ARMC2: variants seen among roughly 807,000 people sequenced by gnomAD.
ARMC2 encodes armadillo repeat containing 2, also known as armadillo repeat-containing protein 2.
ARMC2 carries 67 observed loss-of-function variants against 90.3 expected under a neutral mutation model. That is an observed-to-expected ratio of 0.74 (90% CI 0.61 to 0.91). The LOEUF (loss-of-function observed/expected upper bound fraction) is 0.91. ARMC2 is among the 40% of genes least tolerant of loss of function. The pLI is 0.00. For missense variants in ARMC2, 920 were observed against 1,030.9 expected (o/e 0.89, Z 1.47); for synonymous variants, 393 against 393.0 (o/e 1.00, Z 0.00).
At chr6:108,855,250 CTTTTTT>C (rs1256172618) in intron 2 of ARMC2, among the ~76,000 whole-genome samples, 1 of 138,172 alleles carries the variant, frequency 7.2e-6, no homozygotes, top group African/African-American at 2.6e-5. Context: ...TTTTGTTTTT[CTTTTTT>C]TTTTTTTTTT....
intron 10 of ARMC2, among the ~76,000 whole-genome samples, chr6:108,924,475 G>A (rs535126222): frequency 3.4e-5 from 5 of 147,462 alleles, no homozygotes; most frequent in African/African-American, 1.0e-4. Flanking sequence ...CCGAGATCGA[G>A]ACTCTGTCTC....
At chr6:108,871,616 T>C (rs2848596) in intron 4 of ARMC2, among the ~76,000 whole-genome samples, 118,946 of 152,036 alleles carry the variant, frequency 0.78, 46,805 homozygotes, top group South Asian at 0.85. Flanking sequence ...TGGGAGTGCA[T>C]GCTAGAAAAC....
At chr6:108,969,900 G>A (rs1185798531) in intron 17 of ARMC2, among the ~76,000 whole-genome samples, 1 of 152,056 alleles carries the variant, frequency 6.6e-6, no homozygotes, top group Non-Finnish European at 1.5e-5. Flanking sequence ...AATTAGCTGG[G>A]TGTGTGTGTT....
At chr6:108,867,249 G>A (rs765644366) in intron 3 of ARMC2, among the ~76,000 whole-genome samples, 61 of 152,154 alleles carry the variant, frequency 4.0e-4, no homozygotes, top group Non-Finnish European at 7.9e-4. Context: ...GTAAAACTAG[G>A]AGCTGAGTCA....
chr6:109,013,911 T>A, the ARMC2 span, among the ~76,000 whole-genome samples: 2 of 152,224 alleles, frequency 1.3e-5, no homozygotes, highest in Non-Finnish European at 2.9e-5. Flanking sequence ...ATAGCTTGTC[T>A]GCTAAGCACT....
At chr6:108,907,564 C>T in intron 8 of ARMC2, 2 of 1,466,620 alleles carry the variant, frequency 1.4e-6, no homozygotes, top group African/African-American at 1.4e-5. Flanking sequence ...CACAGAGGGG[C>T]TCGGGCCAAG....
the ARMC2 span, among the ~76,000 whole-genome samples, chr6:109,011,554 T>G: frequency 2.6e-5 from 4 of 152,162 alleles, no homozygotes; most frequent in East Asian, 7.7e-4. Context: ...CACTCTATTC[T>G]CCAACATAAA....
chr6:109,005,446 T>A, the ARMC2 span, among the ~76,000 whole-genome samples: 8 of 152,176 alleles, frequency 5.3e-5, no homozygotes, highest in African/African-American at 1.7e-4. Flanking sequence ...TTTTTAAAAA[T>A]GTGGCCAGAT....
chr6:108,873,336 C>T (rs1318247934), intron 4 of ARMC2, among the ~76,000 whole-genome samples: 3 of 152,110 alleles, frequency 2.0e-5, no homozygotes, highest in African/African-American at 7.2e-5. Context: ...GTTTGCTGAG[C>T]TCTGGTGGGG....
chr6:108,893,950 A>G (rs966280278), intron 5 of ARMC2, among the ~76,000 whole-genome samples: 1 of 152,180 alleles, frequency 6.6e-6, no homozygotes, highest in Non-Finnish European at 1.5e-5. Context: ...AGATCGCACC[A>G]CTGCACTCTA....
rs148283402 is a variant in ARMC2, at chr6:108,892,691, G to A, written c.672-1776G>A. Among the ~76,000 whole-genome samples the A allele has an allele frequency of 3.4e-4, 51 of 151,640 alleles. No homozygotes were observed. The East Asian group carries it at 8.9e-3, about 27-fold the overall frequency. Reference sequence around the variant, plus strand: ...GGAGAATCCCTTGGACCTGGGAGGCGGAAGTTGGGGTGAGCCGAGATCACG... The same window carrying A: ...GGAGAATCCCTTGGACCTGGGAGGCAGAAGTTGGGGTGAGCCGAGATCACG... On this transcript the variant is annotated intron_variant, in intron 5 of 17. Transcript: ENST00000392644.
the ARMC2 span, among the ~76,000 whole-genome samples, chr6:109,024,469 G>A: frequency 2.6e-5 from 4 of 152,182 alleles, no homozygotes; most frequent in Admixed American, 6.5e-5. Context: ...TGACAGCACC[G>A]CCCTCTCCCA....
chr6:108,854,286 A>C lies in ARMC2; in HGVS notation c.19A>C (p.Lys7Gln), dbSNP rs1562316164. The C allele has an allele frequency of 6.2e-7, 1 of 1,608,860 alleles. No homozygotes were observed. Among genetic ancestry groups the C allele is most frequent in the Non-Finnish European group, 8.5e-7 (1 of 1,177,576 alleles). Residue 7 changes from lysine to glutamine, a missense_variant, in exon 2 of 18, where the codon AAA becomes CAA. Physicochemically the swap from Lys to Gln is moderately conservative, Grantham distance 53. Coordinates refer to ENST00000392644, the MANE Select transcript of ARMC2 (RefSeq NM_032131.6). MLSPND[K>Q]MLGKLDPFYQ... ...AGGAAAGATGCTGTCTCCAAATGAT[A>C]AAATGTTAGGAAAACTGGATCCATT... is the stretch of plus-strand genomic sequence containing the variant.
At chr6:108,986,171 T>C in the ARMC2 span, among the ~76,000 whole-genome samples, 2 of 152,212 alleles carry the variant, frequency 1.3e-5, no homozygotes, top group African/African-American at 4.8e-5. Context: ...AATGAATCCT[T>C]CTTTTTAGTA....
chr6:108,860,828 CTG>C (rs1378562293), intron 3 of ARMC2, among the ~76,000 whole-genome samples: 1 of 152,104 alleles, frequency 6.6e-6, no homozygotes, highest in Non-Finnish European at 1.5e-5. Context: ...GTTATATTCT[CTG>C]TAAAGAAGTA....
chr6:108,924,551 C>A (rs1308724277), intron 10 of ARMC2, among the ~76,000 whole-genome samples: 1 of 151,828 alleles, frequency 6.6e-6, no homozygotes, highest in Admixed American at 6.6e-5. Flanking sequence ...AAAGTGTAAT[C>A]GAGGGCACTC....
the ARMC2 span, among the ~76,000 whole-genome samples, chr6:109,023,864 A>T: frequency 6.6e-6 from 1 of 152,218 alleles, no homozygotes; most frequent in Non-Finnish European, 1.5e-5. Flanking sequence ...AGTCACTTTC[A>T]TATATTTAAA....
At chr6:108,919,502 A>G (rs936723821) in intron 10 of ARMC2, among the ~76,000 whole-genome samples, 1 of 149,642 alleles carries the variant, frequency 6.7e-6, no homozygotes, top group Non-Finnish European at 1.5e-5. Flanking sequence ...TGTATTTCCT[A>G]AGTTCTTACA....
chr6:108,957,163 G>A (rs1777648985), intron 13 of ARMC2, among the ~76,000 whole-genome samples: 1 of 152,226 alleles, frequency 6.6e-6, no homozygotes, highest in African/African-American at 2.4e-5. Context: ...AGTTGTTTGG[G>A]CAAGCAGGTG....
Sources: allele counts gnomAD v4.1 joint callset (sites outside exome capture counted in the v4.1 genomes callset), GRCh38; gene constraint gnomAD v4.1.1; transcripts MANE v1.5; gene names NCBI Gene and HGNC (gene_info 2026-07-23, HGNC 2026-07-21).